Variants in BBS9 observed in about 807,000 individuals in gnomAD.
The protein encoded by BBS9 is protein PTHB1.
BBS9 carries 89 observed loss-of-function variants against 117.7 expected under a neutral mutation model. The observed-to-expected ratio is 0.76, with a 90% CI of 0.64 to 0.90. The LOEUF (loss-of-function observed/expected upper bound fraction) is 0.90. BBS9 is among the 40% of genes least tolerant of loss of function. BBS9 has a pLI of 0.00. For missense variants in BBS9, 982 were observed against 1,042.2 expected (o/e 0.94, Z 0.80); for synonymous variants, 379 against 370.9 (o/e 1.02, Z -0.25).
chr7:33,384,299 C>T (rs1250637001), intron 18 of BBS9, among the ~76,000 whole-genome samples: 4 of 152,340 alleles, frequency 2.6e-5, no homozygotes, highest in South Asian at 4.1e-4. Context: ...GTATCTGGCA[C>T]AGTGGGTGCT....
chr7:33,255,234 A>G (rs1035691882), intron 5 of BBS9, among the ~76,000 whole-genome samples: 3 of 152,010 alleles, frequency 2.0e-5, no homozygotes, highest in African/African-American at 7.2e-5. Flanking sequence ...TACCAATGCC[A>G]TGAAGCTTTT....
chr7:33,236,415 T>G (rs1357435309), intron 5 of BBS9, among the ~76,000 whole-genome samples: 1 of 151,780 alleles, frequency 6.6e-6, no homozygotes, highest in Non-Finnish European at 1.5e-5. Context: ...ATTTTATGAC[T>G]AATTGTGATT....
intron 20 of BBS9, among the ~76,000 whole-genome samples, chr7:33,516,760 C>T (rs1228472655): frequency 6.6e-6 from 1 of 152,130 alleles, no homozygotes; most frequent in African/African-American, 2.4e-5. Context: ...GAGAAGTAGT[C>T]AAGACTGAGT....
At chr7:33,209,043 T>C (rs1787512353) in intron 5 of BBS9, among the ~76,000 whole-genome samples, 1 of 152,226 alleles carries the variant, frequency 6.6e-6, no homozygotes, top group African/African-American at 2.4e-5. Context: ...TATTAGATCT[T>C]ATTTATTCTT....
chr7:33,423,915 A>G (rs1833250734), intron 19 of BBS9, among the ~76,000 whole-genome samples: 1 of 152,328 alleles, frequency 6.6e-6, no homozygotes. Flanking sequence ...AGTGAAGCAA[A>G]TAAAATGAAA....
intron 21 of BBS9, among the ~76,000 whole-genome samples, chr7:33,585,110 A>G (rs1860666959): frequency 1.3e-5 from 2 of 152,006 alleles, no homozygotes; most frequent in Admixed American, 6.6e-5. Context: ...CTTTGTAATT[A>G]TATGCTGGAT....
At chr7:33,564,638 G>A (rs577691576) in intron 21 of BBS9, among the ~76,000 whole-genome samples, 6 of 152,262 alleles carry the variant, frequency 3.9e-5, no homozygotes, top group East Asian at 1.9e-4. Flanking sequence ...CTGAAACTGC[G>A]ATAGAAGATT....
chr7:33,296,500 C>T (rs1183516252), intron 9 of BBS9, among the ~76,000 whole-genome samples: 1 of 152,146 alleles, frequency 6.6e-6, no homozygotes, highest in Non-Finnish European at 1.5e-5. Flanking sequence ...AAGGAATAAT[C>T]ACCTGCTTTA....
intron 5 of BBS9, among the ~76,000 whole-genome samples, chr7:33,205,591 A>G (rs1272722307): frequency 6.6e-6 from 1 of 152,152 alleles, no homozygotes; most frequent in African/African-American, 2.4e-5. Context: ...CCATCTGTAA[A>G]CCAGGTCTGT....
chr7:33,390,859 C>G, intron 19 of BBS9, among the ~76,000 whole-genome samples: 1 of 152,200 alleles, frequency 6.6e-6, no homozygotes, highest in East Asian at 1.9e-4. Context: ...AGAAAAACTC[C>G]ATAAAGAGTA....
exon 22 of BBS9, among the ~76,000 whole-genome samples, chr7:33,635,424 G>A (rs914160865): frequency 6.6e-6 from 1 of 152,170 alleles, no homozygotes; most frequent in African/African-American, 2.4e-5. Context: ...GAGCCAAGGG[G>A]GTGCCAGGGA....
At chr7:33,306,334 C>T (rs975780848) in intron 9 of BBS9, among the ~76,000 whole-genome samples, 1 of 151,832 alleles carries the variant, frequency 6.6e-6, no homozygotes, top group Non-Finnish European at 1.5e-5. Context: ...AGTCACAAAT[C>T]TATAATGAAG....
At chr7:33,365,669 T>C (rs1821554206) in intron 16 of BBS9, among the ~76,000 whole-genome samples, 1 of 152,256 alleles carries the variant, frequency 6.6e-6, no homozygotes. Context: ...AGCCAAGTCC[T>C]GAAGCATGGG....
At chr7:33,415,182 C>G (rs1831783894) in intron 19 of BBS9, among the ~76,000 whole-genome samples, 1 of 152,056 alleles carries the variant, frequency 6.6e-6, no homozygotes. Context: ...GGGAGATGGA[C>G]TTAGAGTCAC....
chr7:33,413,857 AC>A (rs2128830521), intron 19 of BBS9, among the ~76,000 whole-genome samples: 1 of 152,204 alleles, frequency 6.6e-6, no homozygotes, highest in African/African-American at 2.4e-5. Context: ...CCCCATTTCT[AC>A]TAAAAATACA....
intron 6 of BBS9, among the ~76,000 whole-genome samples, chr7:33,258,632 G>A (rs1279608896): frequency 6.6e-6 from 1 of 152,094 alleles, no homozygotes; most frequent in Non-Finnish European, 1.5e-5. Context: ...TATCTGTATA[G>A]TTTACTCAAG....
At chr7:33,453,367 T>C (rs544475942) in intron 19 of BBS9, among the ~76,000 whole-genome samples, 2 of 152,270 alleles carry the variant, frequency 1.3e-5, no homozygotes, top group East Asian at 1.9e-4. Flanking sequence ...GATCCACTTA[T>C]ATGTTCATTT....
chr7:33,387,284 T>G (rs772562032), intron 18 of BBS9, among the ~76,000 whole-genome samples: 1 of 152,172 alleles, frequency 6.6e-6, no homozygotes, highest in Non-Finnish European at 1.5e-5. Context: ...AAGAGGTATT[T>G]GTATTAACTT....
chr7:33,531,844 T>G (rs777103095), intron 20 of BBS9, among the ~76,000 whole-genome samples: 18 of 152,212 alleles, frequency 1.2e-4, no homozygotes, highest in Admixed American at 2.0e-4. Context: ...CAGCTATGCC[T>G]AGGCAGATGG....
Sources: allele counts gnomAD v4.1 joint callset (sites outside exome capture counted in the v4.1 genomes callset), GRCh38; gene constraint gnomAD v4.1.1; transcripts MANE v1.5; gene names NCBI Gene and HGNC (gene_info 2026-07-23, HGNC 2026-07-21).